Variants in SYNDIG1L observed in about 807,000 individuals in gnomAD.
SYNDIG1L encodes the protein synapse differentiation inducing 1 like.
In SYNDIG1L, 13 loss-of-function variants were observed where a neutral mutation model predicts 20.1. The observed-to-expected ratio is 0.65, with a 90% CI of 0.42 to 1.03. The LOEUF (loss-of-function observed/expected upper bound fraction) is 1.03, where lower values mean the gene tolerates loss of function less well. SYNDIG1L is among the 50% of genes least tolerant of loss of function. The probability of loss-of-function intolerance (pLI) is 0.00; values close to 1 mark genes in which losing one functional copy is unlikely to be tolerated. For synonymous variants in SYNDIG1L, 128 were observed against 129.3 expected (o/e 0.99, Z 0.07); for missense variants, 294 against 305.1 (o/e 0.96, Z 0.27).
chr14:74,438,465 A>C, the SYNDIG1L span, among the ~76,000 whole-genome samples: 2 of 152,254 alleles, frequency 1.3e-5, no homozygotes, highest in East Asian at 3.9e-4. Context: ...AATGAAACTA[A>C]AGCTTGGGCC....
the SYNDIG1L span, among the ~76,000 whole-genome samples, chr14:74,478,063 T>C: frequency 6.6e-6 from 1 of 152,328 alleles, no homozygotes; most frequent in Non-Finnish European, 1.5e-5. Flanking sequence ...GGGTATAAAC[T>C]AGCCGAAATA....
At chr14:74,407,721 G>A (rs1281259144) in intron 3 of SYNDIG1L, 28 bp from the exon 4 acceptor site, 3 of 1,584,966 alleles carry the variant, frequency 1.9e-6, no homozygotes, top group African/African-American at 2.7e-5. Context: ...CTGATGAACA[G>A]GAGTGTCCCC....
At chr14:74,426,902 T>C (rs1178009357), upstream of SYNDIG1L, among the ~76,000 whole-genome samples, 1 of 152,040 alleles carries the variant, frequency 6.6e-6, no homozygotes, top group Non-Finnish European at 1.5e-5. Flanking sequence ...GCAAGTTACC[T>C]AACCTCTTAA....
At chr14:74,442,863 G>T in the SYNDIG1L span, among the ~76,000 whole-genome samples, 3 of 152,232 alleles carry the variant, frequency 2.0e-5, no homozygotes, top group South Asian at 6.2e-4. Context: ...ATGATGCCTG[G>T]GTTTCTGATT....
chr14:74,431,055 G>C (rs2086299078), upstream of SYNDIG1L, among the ~76,000 whole-genome samples: 2 of 152,172 alleles, frequency 1.3e-5, no homozygotes, highest in Admixed American at 6.5e-5. Context: ...CTTGAAGCCA[G>C]AGCCAGTGTG....
intron 2 of SYNDIG1L, among the ~76,000 whole-genome samples, 171 bp downstream of exon 2, chr14:74,409,157 C>A (rs745900697): frequency 2.9e-4 from 44 of 151,904 alleles, no homozygotes; most frequent in Non-Finnish European, 4.9e-4. Context: ...TAGCTCACTG[C>A]AGCCTCAACC....
intron 1 of SYNDIG1L, among the ~76,000 whole-genome samples, chr14:74,414,591 G>A (rs1355063742): frequency 1.3e-5 from 2 of 152,154 alleles, no homozygotes; most frequent in Non-Finnish European, 2.9e-5. Flanking sequence ...ATCATACAGT[G>A]TGACATTGGT....
chr14:74,411,665 G>T (rs953760944), intron 1 of SYNDIG1L, among the ~76,000 whole-genome samples: 18 of 152,288 alleles, frequency 1.2e-4, no homozygotes, highest in African/African-American at 4.3e-4. Flanking sequence ...GGGCCAATCA[G>T]ACCTGGACGA....
upstream of SYNDIG1L, among the ~76,000 whole-genome samples, chr14:74,429,741 A>C (rs2086290098): frequency 6.6e-6 from 1 of 152,240 alleles, no homozygotes; most frequent in South Asian, 2.1e-4. Flanking sequence ...ATATGGCTCC[A>C]GGATGACACA....
rs2086080421 is a variant in SYNDIG1L, at chr14:74,406,466, T to A, written c.*1069A>T. 5.6e-6 allele frequency: 1 copy of A among 178,850 alleles called. No homozygotes were observed. Among genetic ancestry groups the A allele is most frequent in the South Asian group, 2.0e-4 (1 of 5,064 alleles). 11.1% of individuals were successfully genotyped at this position (178,850 alleles called of 1,614,324 possible). ...CTGCCTACAAATACAAAGAGTTATG[T>A]GACCAAATCCCTTAGATGAATTCTA... On this transcript the variant is annotated 3_prime_UTR_variant, in exon 4 of 4. Transcript: ENST00000331628.
At chr14:74,420,852 G>T (rs2086215462) in intron 1 of SYNDIG1L, among the ~76,000 whole-genome samples, 1 of 152,168 alleles carries the variant, frequency 6.6e-6, no homozygotes, top group Non-Finnish European at 1.5e-5. Flanking sequence ...GAAACCTGTA[G>T]CCCCAAACAC....
At chr14:74,427,941 TG>T (rs1417133646), upstream of SYNDIG1L, among the ~76,000 whole-genome samples, 1 of 152,258 alleles carries the variant, frequency 6.6e-6, no homozygotes, top group Non-Finnish European at 1.5e-5. Flanking sequence ...GCTCCATGCC[TG>T]GGCTGCATAC....
At chr14:74,451,908 T>G in the SYNDIG1L span, among the ~76,000 whole-genome samples, 2 of 149,710 alleles carry the variant, frequency 1.3e-5, no homozygotes, top group South Asian at 2.1e-4. Context: ...GAGAATCACT[T>G]GAACCCAGGA....
At chr14:74,447,710 G>A in the SYNDIG1L span, among the ~76,000 whole-genome samples, 1 of 152,084 alleles carries the variant, frequency 6.6e-6, no homozygotes, top group Non-Finnish European at 1.5e-5. Flanking sequence ...AGTCAGGAAA[G>A]TGTAGGATAT....
the SYNDIG1L span, chr14:74,480,097 A>G: frequency 9.1e-6 from 14 of 1,544,048 alleles, no homozygotes; most frequent in Non-Finnish European, 1.2e-5. Flanking sequence ...GAGACATGAG[A>G]CAACCACTGA....
the SYNDIG1L span, chr14:74,472,296 T>C: frequency 6.6e-6 from 1 of 152,256 alleles, no homozygotes; most frequent in African/African-American, 2.4e-5. Flanking sequence ...GGCTTTTACC[T>C]TCTTTCTGCA....
chr14:74,428,676 C>G (rs1262295045), upstream of SYNDIG1L, among the ~76,000 whole-genome samples: 1 of 152,152 alleles, frequency 6.6e-6, no homozygotes, highest in Non-Finnish European at 1.5e-5. Context: ...AAGGATGAGA[C>G]AGTCACCAGG....
At chr14:74,432,227 A>C in the SYNDIG1L span, among the ~76,000 whole-genome samples, 1 of 151,580 alleles carries the variant, frequency 6.6e-6, no homozygotes, top group Non-Finnish European at 1.5e-5. Context: ...TAAGCCAATG[A>C]GGCCACACTA....
chr14:74,439,097 A>G, the SYNDIG1L span, among the ~76,000 whole-genome samples: 1 of 148,904 alleles, frequency 6.7e-6, no homozygotes, highest in Non-Finnish European at 1.5e-5. Flanking sequence ...TTGGGTGACA[A>G]GAGCGAAACT....
Sources: allele counts gnomAD v4.1 joint callset (sites outside exome capture counted in the v4.1 genomes callset), GRCh38; gene constraint gnomAD v4.1.1; transcripts MANE v1.5; gene names NCBI Gene and HGNC (gene_info 2026-07-23, HGNC 2026-07-21).